CLEC18A: variants seen among roughly 807,000 people sequenced by gnomAD.
CLEC18A encodes the protein C-type lectin domain family 18 member A, also known as mannose receptor-like 1.
In CLEC18A, 5 loss-of-function variants were observed where a neutral mutation model predicts 24.0. That is an observed-to-expected ratio of 0.21 (90% CI 0.11 to 0.44). CLEC18A has a LOEUF of 0.44. Ranked by LOEUF, CLEC18A falls within the 20% of genes least tolerant of loss-of-function variation. CLEC18A has a pLI of 0.99. For synonymous variants in CLEC18A, 29 were observed against 100.1 expected (o/e 0.29, Z 4.24); for missense variants, 83 against 233.4 (o/e 0.36, Z 4.20).
At chr16:69,956,074 T>C (rs1258970376) in intron 3 of CLEC18A, among the ~76,000 whole-genome samples, 3 of 151,992 alleles carry the variant, frequency 2.0e-5, no homozygotes, top group African/African-American at 7.3e-5. Flanking sequence ...GGCAAAAACC[T>C]GCCTCTACAA....
At chr16:69,965,404 T>G (rs1347727839), downstream of CLEC18A, among the ~76,000 whole-genome samples, 3 of 151,938 alleles carry the variant, frequency 2.0e-5, no homozygotes, top group African/African-American at 7.3e-5. Flanking sequence ...ACCCGCCCCT[T>G]GTCCGGGGCC....
the CLEC18A span, among the ~76,000 whole-genome samples, chr16:69,943,549 A>T: frequency 6.6e-6 from 1 of 152,106 alleles, no homozygotes; most frequent in African/African-American, 2.4e-5. Flanking sequence ...ATCATATAGT[A>T]CTTGTCGTTT....
chr16:69,946,843 C>T (rs144038448), upstream of CLEC18A, among the ~76,000 whole-genome samples: 248 of 83,470 alleles, frequency 3.0e-3, no homozygotes, highest in Admixed American at 0.01. Context: ...TACATTCCTT[C>T]GGATTTTCTA....
At chr16:69,954,666 T>G in intron 3 of CLEC18A, 93 bp downstream of exon 3, 1 of 1,537,790 alleles carries the variant, frequency 6.5e-7, no homozygotes, top group Non-Finnish European at 8.8e-7. Context: ...GTCCTAAATG[T>G]TGGGATTCCT....
chr16:69,946,092 CAAA>C (rs59668221), upstream of CLEC18A, among the ~76,000 whole-genome samples: 3 of 17,742 alleles, frequency 1.7e-4, 1 homozygote, highest in East Asian at 0.017. Flanking sequence ...GACTCTGTCT[CAAA>C]AAAAAAAAAA....
chr16:69,964,719 G>A (rs1189733678), downstream of CLEC18A, among the ~76,000 whole-genome samples: 3 of 151,100 alleles, frequency 2.0e-5, no homozygotes, highest in Non-Finnish European at 4.4e-5. Context: ...TACCCAGGAT[G>A]GTATCGATCT....
At chr16:69,943,627 T>C in the CLEC18A span, among the ~76,000 whole-genome samples, 2 of 152,020 alleles carry the variant, frequency 1.3e-5, no homozygotes, top group Non-Finnish European at 2.9e-5. Flanking sequence ...AAGTAACCAC[T>C]GGCGCCTTGG....
Position 69,953,918 on chromosome 16 carries a change from C to T in CLEC18A, c.217-416C>T, listed in dbSNP as rs1247667337. 2,064 of 318,650 alleles carry T rather than the reference C, an allele frequency of 6.5e-3. 13 individuals carry two copies. Among genetic ancestry groups the T allele is most frequent in the African/African-American group, 0.029 (1,357 of 46,588 alleles). The allele number at this position is 318,650 out of a possible 1,614,324, so 19.7% of individuals were successfully genotyped here. On this transcript the variant is annotated intron_variant, in intron 2 of 11. Transcript: ENST00000288040. ...GGGGCAGGAGACTAGGGCAGAGAGG[C>T]GTGGCTGTAGGGCTTTTTGCATCAC...
chr16:69,944,124 C>T, the CLEC18A span, among the ~76,000 whole-genome samples: 10 of 134,104 alleles, frequency 7.5e-5, 1 homozygote, highest in Middle Eastern at 3.7e-3. Flanking sequence ...GGTGAAACGC[C>T]ATCTCTACTA....
chr16:69,945,771 C>A (rs1435694758), upstream of CLEC18A, among the ~76,000 whole-genome samples: 2 of 152,242 alleles, frequency 1.3e-5, no homozygotes, highest in African/African-American at 4.8e-5. Context: ...TTCCCCTGGC[C>A]AACATGGTGA....
chr16:69,950,119 C>T (rs1332673615), upstream of CLEC18A, among the ~76,000 whole-genome samples: 1 of 123,448 alleles, frequency 8.1e-6, no homozygotes, highest in Non-Finnish European at 1.9e-5. Flanking sequence ...AGTTCCAGAC[C>T]GCCTTCATGG....
intron 3 of CLEC18A, among the ~76,000 whole-genome samples, chr16:69,955,325 A>C (rs1213108375): frequency 6.6e-6 from 1 of 151,188 alleles, no homozygotes; most frequent in East Asian, 2.0e-4. Context: ...TTTCAATCTG[A>C]AATATAAATA....
At chr16:69,965,550 C>T (rs1959361588), downstream of CLEC18A, among the ~76,000 whole-genome samples, 1 of 150,380 alleles carries the variant, frequency 6.6e-6, no homozygotes, top group Non-Finnish European at 1.5e-5. Flanking sequence ...CCCACCCCGC[C>T]CCACGCCTGG....
upstream of CLEC18A, among the ~76,000 whole-genome samples, chr16:69,946,768 T>C (rs970308988): frequency 1.5e-5 from 2 of 130,018 alleles, no homozygotes; most frequent in Admixed American, 1.6e-4. Context: ...AGAAATGCAG[T>C]GGATTTTGGT....
At chr16:69,964,991 G>A, downstream of CLEC18A, among the ~76,000 whole-genome samples, 1 of 151,824 alleles carries the variant, frequency 6.6e-6, no homozygotes, top group African/African-American at 2.4e-5. Flanking sequence ...TTGTAGGGAC[G>A]GGGTTGCACC....
the CLEC18A span, among the ~76,000 whole-genome samples, chr16:69,945,125 G>GA: frequency 4.4e-3 from 579 of 130,146 alleles, no homozygotes; most frequent in Middle Eastern, 3.7e-3. Flanking sequence ...ACCCTGTCTG[G>GA]AAAAAAAAAA....
intron 11 of CLEC18A, among the ~76,000 whole-genome samples, 180 bp downstream of exon 11, chr16:69,963,247 G>A (rs915983683): frequency 2.6e-5 from 4 of 151,926 alleles, no homozygotes; most frequent in African/African-American, 9.7e-5. Flanking sequence ...GAGGGGCAAC[G>A]ACGGGCCCAG....
downstream of CLEC18A, among the ~76,000 whole-genome samples, chr16:69,965,101 C>T (rs1415189539): frequency 6.6e-6 from 1 of 151,654 alleles, no homozygotes; most frequent in African/African-American, 2.4e-5. Context: ...GGCGCCGGCC[C>T]AGTCTTTCCC....
the CLEC18A span, among the ~76,000 whole-genome samples, chr16:69,945,458 G>T: frequency 6.6e-6 from 1 of 152,208 alleles, no homozygotes; most frequent in Non-Finnish European, 1.5e-5. Context: ...TTTCAAATGT[G>T]TTTTGGTTAT....
Sources: allele counts gnomAD v4.1 joint callset (sites outside exome capture counted in the v4.1 genomes callset), GRCh38; gene constraint gnomAD v4.1.1; transcripts MANE v1.5; gene names NCBI Gene and HGNC (gene_info 2026-07-23, HGNC 2026-07-21).